The following ZEB1 variants were observed in gnomAD, a reference collection of about 807,000 sequenced individuals.
ZEB1 encodes zinc finger E-box binding homeobox 1.
ZEB1 carries 21 observed loss-of-function variants against 84.9 expected under a neutral mutation model. The ratio of observed to expected loss-of-function variants is 0.25; its 90% CI spans 0.18 to 0.36. The LOEUF is 0.36. Among genes scored for constraint, ZEB1 ranks in the 10% least tolerant of loss-of-function variants. ZEB1 has a pLI of 1.00. For synonymous variants in ZEB1, 420 were observed against 471.1 expected (o/e 0.89, Z 1.41); for missense variants, 1,104 against 1,330.2 (o/e 0.83, Z 2.65).
intron 1 of ZEB1, among the ~76,000 whole-genome samples, chr10:31,440,460 G>A (rs2058794187): frequency 6.6e-6 from 1 of 152,114 alleles, no homozygotes; most frequent in Admixed American, 6.6e-5. Context: ...ATACTGAATG[G>A]GCAAAAATTG....
chr10:31,401,456 C>T (rs1031394585), intron 1 of ZEB1, among the ~76,000 whole-genome samples: 1 of 152,088 alleles, frequency 6.6e-6, no homozygotes, highest in Non-Finnish European at 1.5e-5. Flanking sequence ...GGGTGTGGCT[C>T]GTAACAGAAG....
chr10:31,501,295 A>G (rs2068087869), intron 3 of ZEB1, among the ~76,000 whole-genome samples: 2 of 152,218 alleles, frequency 1.3e-5, no homozygotes, highest in African/African-American at 4.8e-5. Flanking sequence ...GAGGAAAACC[A>G]TAGTGCAGCA....
intron 1 of ZEB1, among the ~76,000 whole-genome samples, chr10:31,407,964 G>C (rs576479445): frequency 6.8e-6 from 1 of 148,010 alleles, no homozygotes; most frequent in African/African-American, 2.5e-5. Flanking sequence ...GTCCCTGTTT[G>C]CAGATGACAT....
chr10:31,514,618 T>G lies in ZEB1; in HGVS notation c.703T>G (p.Ser235Ala). 2 of 1,612,654 alleles carry G rather than the reference T, an allele frequency of 1.2e-6. No homozygotes were observed. The highest frequency in any genetic ancestry group is 1.7e-6 in the Non-Finnish European group (2 of 1,179,010). The change falls in exon 6 of 9, where the codon TCT becomes GCT. Residue 235 changes from serine (S) to alanine (A), a missense_variant. Physicochemically the swap from Ser to Ala is moderately conservative, Grantham distance 99. Around this residue, in one of 7 missense-constraint regions of ZEB1, gnomAD observed 71 missense variants for 119.1 expected, o/e 0.60. Coordinates refer to ENST00000424869, the MANE Select transcript of ZEB1 (RefSeq NM_001174096.2). ...SGRDQRHVTQ[S>A]GCNRKFKCTE... The stretch of plus-strand genomic sequence containing the variant: ...TTTCTTACAGAGACATGTGACGCAG[T>G]CTGGGTGTAATCGTAAATTCAAATG...
At chr10:31,323,908 A>T (rs927432480) in intron 1 of ZEB1, among the ~76,000 whole-genome samples, 29 of 151,882 alleles carry the variant, frequency 1.9e-4, no homozygotes, top group African/African-American at 6.0e-4. Flanking sequence ...CTAAGTAGGT[A>T]TTGAATTGCC....
At chr10:31,494,838 A>T (rs908229397) in intron 2 of ZEB1, among the ~76,000 whole-genome samples, 3 of 152,074 alleles carry the variant, frequency 2.0e-5, no homozygotes, top group African/African-American at 7.2e-5. Context: ...CAAAATATTT[A>T]TTCTGAACCT....
At chr10:31,455,336 C>A (rs2061077920) in intron 1 of ZEB1, among the ~76,000 whole-genome samples, 4 of 152,128 alleles carry the variant, frequency 2.6e-5, no homozygotes, top group African/African-American at 4.8e-5. Context: ...GTAATCCATT[C>A]AGGTCATAGG....
intron 1 of ZEB1, among the ~76,000 whole-genome samples, chr10:31,378,521 T>C (rs979379436): frequency 5.3e-5 from 8 of 151,698 alleles, no homozygotes; most frequent in African/African-American, 1.7e-4. Flanking sequence ...ATGCAAACAT[T>C]TTTAGGGAAA....
At chr10:31,319,526 C>G (rs879567672) in intron 1 of ZEB1, 3 of 543,080 alleles carry the variant, frequency 5.5e-6, no homozygotes, top group Non-Finnish European at 9.7e-6. Flanking sequence ...TGGTCTCTCT[C>G]CGCCTAGCGG....
At chr10:31,321,526 A>T (rs1564450709) in intron 1 of ZEB1, 1 of 1,613,856 alleles carries the variant, frequency 6.2e-7, no homozygotes. Flanking sequence ...ATGTGGCTTT[A>T]TGAAAGGTAA....
At chr10:31,354,124 G>A (rs553052604) in intron 1 of ZEB1, among the ~76,000 whole-genome samples, 1 of 152,270 alleles carries the variant, frequency 6.6e-6, no homozygotes. Context: ...AAAAGAAGTG[G>A]ATTTAGTTTT....
chr10:31,332,760 T>G (rs373174414), intron 1 of ZEB1, among the ~76,000 whole-genome samples: 2 of 152,306 alleles, frequency 1.3e-5, no homozygotes, highest in South Asian at 2.1e-4. Flanking sequence ...TTCAACCTCT[T>G]AAGTTTAATA....
At position 31,371,767 on chromosome 10, in the gene ZEB1, G is replaced by A. The variant is rs76930159; in HGVS notation, c.58+52475G>A. Among the ~76,000 whole-genome samples the A allele has an allele frequency of 9.3e-4, 142 of 152,218 alleles. 1 individual carries two copies. The East Asian group carries it at 0.026, about 28-fold the overall frequency. On this transcript the variant is annotated intron_variant, in intron 1 of 8. Coordinates refer to ENST00000424869, the MANE Select transcript of ZEB1 (RefSeq NM_001174096.2). ...AGTGTTATTGCTATTGAGAATTTTG[G>A]ATTTAAATTATTGGAATGAATAGAA...
intron 1 of ZEB1, among the ~76,000 whole-genome samples, chr10:31,406,580 T>A (rs1440118257): frequency 6.6e-6 from 1 of 152,154 alleles, no homozygotes; most frequent in South Asian, 2.1e-4. Context: ...TCCTTGTAGA[T>A]TCTGGATATT....
chr10:31,383,667 A>G (rs940843140), intron 1 of ZEB1, among the ~76,000 whole-genome samples: 1 of 152,202 alleles, frequency 6.6e-6, no homozygotes, highest in African/African-American at 2.4e-5. Flanking sequence ...GTTTAAGTAA[A>G]ATTAAAAATT....
Position 31,473,542 on chromosome 10 carries a change from G to C in ZEB1, c.259+12305G>C, listed in dbSNP as rs1277838970. ...TCTTCAAGGAGAACTACAAACCACT[G>C]GTCAAGGAAATAAAAGAGGATACAA... On this transcript the variant is annotated intron_variant, in intron 2 of 8. Transcript: ENST00000424869. Among the ~76,000 whole-genome samples the C allele has an allele frequency of 4.0e-5, 6 of 151,592 alleles. No individual in the cohort carries two copies. The East Asian group carries it at 1.2e-3, about 29-fold the overall frequency.
intron 1 of ZEB1, among the ~76,000 whole-genome samples, chr10:31,456,749 A>G (rs1183977782): frequency 6.6e-6 from 1 of 152,104 alleles, no homozygotes; most frequent in African/African-American, 2.4e-5. Flanking sequence ...AATAATACCT[A>G]CTTCTTAGGA....
intron 6 of ZEB1, among the ~76,000 whole-genome samples, chr10:31,515,322 A>G (rs1042555860): frequency 2.0e-5 from 3 of 152,078 alleles, no homozygotes; most frequent in Non-Finnish European, 4.4e-5. Flanking sequence ...CTCAGAGTAA[A>G]CAGAGAGCTA....
At chr10:31,442,631 C>T (rs117681985) in intron 1 of ZEB1, among the ~76,000 whole-genome samples, 1 of 151,624 alleles carries the variant, frequency 6.6e-6, no homozygotes, top group African/African-American at 2.4e-5. Context: ...GGAGAAGTCA[C>T]CTGGGATATA....
Sources: allele counts gnomAD v4.1 joint callset (sites outside exome capture counted in the v4.1 genomes callset), GRCh38; gene constraint gnomAD v4.1.1; regional missense constraint gnomAD v4.1.1; transcripts MANE v1.5; gene names NCBI Gene and HGNC (gene_info 2026-07-23, HGNC 2026-07-21).